The following EMID1 variants were observed in gnomAD, a reference collection of about 807,000 sequenced individuals.
EMID1 encodes EMI domain containing 1.
EMID1 carries 40 observed loss-of-function variants against 60.6 expected under a neutral mutation model. The ratio of observed to expected loss-of-function variants is 0.66; its 90% CI spans 0.51 to 0.86. EMID1 has a LOEUF of 0.86. Among genes scored for constraint, EMID1 ranks in the 40% least tolerant of loss-of-function variants. EMID1 has a pLI of 0.00. For missense variants in EMID1, 585 were observed against 597.1 expected (o/e 0.98, Z 0.21); for synonymous variants, 242 against 231.0 (o/e 1.05, Z -0.43).
intron 8 of EMID1, 121 bp downstream of exon 8, chr22:29,232,523 G>A (rs1239947658): frequency 8.7e-7 from 1 of 1,144,554 alleles, no homozygotes; most frequent in East Asian, 2.7e-5. Context: ...GGCCACATGT[G>A]ACCCAGTCCT....
intron 13 of EMID1, 186 bp from the exon 14 acceptor site, chr22:29,254,017 C>G: frequency 1.0e-6 from 1 of 985,430 alleles, no homozygotes. Context: ...TGCTTCCTTC[C>G]GTCTGCCTTG....
At chr22:29,236,607 C>T (rs35269245) in intron 12 of EMID1, among the ~76,000 whole-genome samples, 39,367 of 151,442 alleles carry the variant, frequency 0.26, 5,815 homozygotes, top group East Asian at 0.54. Flanking sequence ...AGGAGAATTG[C>T]TTGAACCTGG....
chr22:29,216,260 C>T, intron 3 of EMID1: 1 of 976,226 alleles, frequency 1.0e-6, no homozygotes. Context: ...ACAGAGGAGG[C>T]AGCCTGGGCC....
intron 2 of EMID1, 102 bp from the exon 3 acceptor site, chr22:29,215,425 G>T: frequency 7.5e-7 from 1 of 1,336,292 alleles, no homozygotes. Context: ...GGAGGCAGCA[G>T]AGGATCCTGG....
rs986189625 is a variant in EMID1, at chr22:29,215,514, G to C, written c.216-13G>C. The C allele has an allele frequency of 3.1e-6, 5 of 1,612,934 alleles. No individual in the cohort carries two copies. The African/African-American group carries it at 6.7e-5, about 21-fold the overall frequency. Reference sequence around the variant, plus strand: ...GACCCTGTCTCAGCTGGGCCACCTGGGGACTCTTTCAGCTACAGAACTGTG... The same window carrying C: ...GACCCTGTCTCAGCTGGGCCACCTGCGGACTCTTTCAGCTACAGAACTGTG... On this transcript the variant is annotated splice_polypyrimidine_tract_variant and intron_variant, in intron 2 of 14. Coordinates refer to ENST00000334018, the MANE Select transcript of EMID1 (RefSeq NM_133455.4).
At chr22:29,258,384 C>T (rs2041780795) in intron 14 of EMID1, among the ~76,000 whole-genome samples, 1 of 152,196 alleles carries the variant, frequency 6.6e-6, no homozygotes, top group African/African-American at 2.4e-5. Context: ...CAGAGCCTGG[C>T]CTCCTAAGCT....
chr22:29,257,098 C>T (rs935321333), intron 14 of EMID1, among the ~76,000 whole-genome samples: 10 of 152,196 alleles, frequency 6.6e-5, no homozygotes. Context: ...CTTCAGCCAG[C>T]TCTGTCTCTG....
intron 7 of EMID1, 163 bp downstream of exon 7, chr22:29,231,845 T>G: frequency 1.6e-6 from 1 of 642,232 alleles, no homozygotes. Flanking sequence ...CTGGGCTCCA[T>G]GAAGTCCTCT....
At chr22:29,228,846 T>G (rs1263500552) in intron 5 of EMID1, among the ~76,000 whole-genome samples, 1 of 152,166 alleles carries the variant, frequency 6.6e-6, no homozygotes, top group Non-Finnish European at 1.5e-5. Context: ...TCCTCCTGCC[T>G]CAGCCTCCAG....
intron 3 of EMID1, among the ~76,000 whole-genome samples, chr22:29,217,783 G>A (rs187275965): frequency 3.3e-5 from 5 of 152,306 alleles, no homozygotes; most frequent in Admixed American, 3.3e-4. Context: ...GAGCAGAGAG[G>A]CATAGGGACA....
chr22:29,235,094 T>C (rs1247270899), intron 12 of EMID1, among the ~76,000 whole-genome samples: 1 of 152,266 alleles, frequency 6.6e-6, no homozygotes, highest in South Asian at 2.1e-4. Flanking sequence ...ACGCCTGTAA[T>C]CCTAGCACTT....
At chr22:29,235,001 C>A (rs745434971) in intron 12 of EMID1, among the ~76,000 whole-genome samples, 1 of 151,810 alleles carries the variant, frequency 6.6e-6, no homozygotes, top group Non-Finnish European at 1.5e-5. Context: ...GCTTGGGCAA[C>A]ATGACAAAAC....
At chr22:29,228,156 CAAAAAAAAAAAA>C (rs748240529) in intron 5 of EMID1, among the ~76,000 whole-genome samples, 1 of 38,930 alleles carries the variant, frequency 2.6e-5, no homozygotes, top group Admixed American at 3.2e-4. Flanking sequence ...AACTCCATCT[CAAAAAAAAAAAA>C]AAAAAAAAAT....
At chr22:29,216,762 G>A (rs1278900117) in intron 3 of EMID1, 4 of 688,276 alleles carry the variant, frequency 5.8e-6, no homozygotes, top group East Asian at 1.3e-4. Context: ...TGGGGATGGG[G>A]TTCAGAACTC....
At chr22:29,218,411 G>A (rs1428482818) in intron 3 of EMID1, among the ~76,000 whole-genome samples, 1 of 152,240 alleles carries the variant, frequency 6.6e-6, no homozygotes, top group African/African-American at 2.4e-5. Context: ...TGGAGAAGGG[G>A]CTAGAATGGG....
intron 8 of EMID1, 160 bp from the exon 9 acceptor site, chr22:29,233,219 C>G (rs2146306465): frequency 2.8e-6 from 2 of 720,260 alleles, no homozygotes; most frequent in East Asian, 4.9e-5. Flanking sequence ...GGGACCAACA[C>G]TCTCCACACT....
chr22:29,255,833 C>T (rs2041687106), intron 14 of EMID1, among the ~76,000 whole-genome samples: 1 of 152,080 alleles, frequency 6.6e-6, no homozygotes, highest in Non-Finnish European at 1.5e-5. Context: ...AGTGAACAGG[C>T]AGAGAAACAG....
intron 2 of EMID1, 86 bp downstream of exon 2, chr22:29,215,125 T>A (rs2040035728): frequency 1.4e-6 from 2 of 1,439,844 alleles, no homozygotes; most frequent in Non-Finnish European, 1.8e-6. Flanking sequence ...GCATGGGGAG[T>A]GTGGGGGAAG....
chr22:29,242,432 CA>C (rs2041187398), intron 12 of EMID1, among the ~76,000 whole-genome samples: 1 of 152,180 alleles, frequency 6.6e-6, no homozygotes, highest in Admixed American at 6.5e-5. Context: ...ATATCAATTT[CA>C]GTAGATTCTT....
Sources: gnomAD v4.1 joint callset for allele counts (sites outside exome capture counted in the v4.1 genomes callset) on GRCh38, gnomAD v4.1.1 for gene constraint, MANE v1.5 for transcripts, NCBI Gene and HGNC (gene_info 2026-07-23, HGNC 2026-07-21) for gene names.